Variants in TANK observed in about 807,000 individuals in gnomAD.
TANK encodes TRAF family member associated NFKB activator.
Under a neutral mutation model 43.6 loss-of-function variants are expected in TANK, and 15 were observed. The observed-to-expected ratio is 0.34, with a 90% confidence interval of 0.23 to 0.53. The LOEUF is 0.53. Among genes scored for constraint, TANK ranks in the 20% least tolerant of loss-of-function variants. TANK has a pLI of 0.94. For synonymous variants in TANK, 162 were observed against 178.2 expected, an observed-to-expected ratio of 0.91 and a Z score of 0.73; for missense variants, 417 against 498.6, an observed-to-expected ratio of 0.84 and a Z score of 1.56.
intron 6 of TANK, among the ~76,000 whole-genome samples, chr2:161,226,113 C>T (rs997625128): frequency 3.3e-5 from 5 of 152,064 alleles, no homozygotes; most frequent in African/African-American, 1.2e-4. Context: ...TTTTGAACAT[C>T]AACATCTTTT....
At chr2:161,158,322 A>G (rs138595567), upstream of TANK, among the ~76,000 whole-genome samples, 337 of 152,360 alleles carry the variant, frequency 2.2e-3, 2 homozygotes, top group Non-Finnish European at 4.0e-3. Flanking sequence ...AATAAATGTC[A>G]ACTCAATTTC....
chr2:161,213,517 C>T (rs567979281), intron 4 of TANK, among the ~76,000 whole-genome samples: 6 of 151,152 alleles, frequency 4.0e-5, no homozygotes, highest in African/African-American at 1.2e-4. Context: ...GCAGGAGAAT[C>T]GCTTGAACCT....
chr2:161,210,173 A>G (rs938725145), intron 4 of TANK, among the ~76,000 whole-genome samples: 6 of 152,194 alleles, frequency 3.9e-5, no homozygotes, highest in African/African-American at 7.2e-5. Flanking sequence ...AATAGTATAA[A>G]CAGTGATATA....
intron 2 of TANK, among the ~76,000 whole-genome samples, chr2:161,185,456 G>A (rs2105308178): frequency 6.6e-6 from 1 of 151,872 alleles, no homozygotes; most frequent in East Asian, 1.9e-4. Flanking sequence ...GATAAATAGA[G>A]TGATAACTAG....
rs1686353216 is a variant in TANK, at chr2:161,200,455, T to C, written c.100-3032T>C. 6.2e-6 allele frequency: 6 copies of C among 965,930 alleles called. No individual in the cohort carries two copies. In the South Asian group the frequency reaches 2.4e-4, roughly 39 times the overall value. 59.8% of individuals were successfully genotyped at this position (965,930 alleles called of 1,614,324 possible). The stretch of plus-strand genomic sequence containing the variant: ...TTTCATTTACTTTCCAAATAGCAAA[T>C]AAACCAAGTTCTACTGGTTATTTCC... On this transcript the variant is annotated intron_variant, in intron 2 of 7. Transcript: ENST00000392749.
At chr2:161,153,916 C>T (rs569284447) in intron 1 of TANK, among the ~76,000 whole-genome samples, 2 of 152,106 alleles carry the variant, frequency 1.3e-5, no homozygotes, top group African/African-American at 4.8e-5. Context: ...ATGAACGAGG[C>T]AACTTTAACA....
At chr2:161,160,369 G>T (rs1684355453), upstream of TANK, 2 of 1,179,956 alleles carry the variant, frequency 1.7e-6, no homozygotes, top group Non-Finnish European at 1.1e-6. Flanking sequence ...AGAGTTAATG[G>T]CTCCGCGCGC....
At chr2:161,230,912 AC>A (rs1687878489) in intron 6 of TANK, 58 bp from the exon 7 acceptor site, 4 of 1,321,150 alleles carry the variant, frequency 3.0e-6, no homozygotes, top group Admixed American at 1.8e-5. Context: ...AGCTGATTGA[AC>A]AGATTTTTTT....
intron 4 of TANK, among the ~76,000 whole-genome samples, chr2:161,205,190 AT>A (rs1324379249): frequency 6.6e-6 from 1 of 152,086 alleles, no homozygotes; most frequent in Non-Finnish European, 1.5e-5. Flanking sequence ...GCCACGCAGA[AT>A]GGCACACGCC....
At chr2:161,161,085 A>C in intron 1 of TANK, 1 of 893,482 alleles carries the variant, frequency 1.1e-6, no homozygotes, top group Non-Finnish European at 1.6e-6. Context: ...CCCCGCCCAC[A>C]GTGGGAACCC....
intron 1 of TANK, among the ~76,000 whole-genome samples, chr2:161,177,259 A>G (rs990464910): frequency 2.0e-5 from 3 of 152,170 alleles, no homozygotes; most frequent in African/African-American, 7.2e-5. Context: ...GAAAGTAATG[A>G]CATTGTTATC....
chr2:161,173,057 G>C (rs1266933750), intron 1 of TANK, among the ~76,000 whole-genome samples: 1 of 152,066 alleles, frequency 6.6e-6, no homozygotes, highest in Admixed American at 6.5e-5. Flanking sequence ...AAATTTCTTA[G>C]AGTGACATTC....
intron 2 of TANK, among the ~76,000 whole-genome samples, chr2:161,193,824 A>G (rs1291643360): frequency 6.6e-6 from 1 of 152,238 alleles, no homozygotes; most frequent in Non-Finnish European, 1.5e-5. Flanking sequence ...GATCACATCT[A>G]GTAGTGAAGA....
chr2:161,231,885 G>A (rs1289257832), intron 7 of TANK, among the ~76,000 whole-genome samples: 3 of 152,124 alleles, frequency 2.0e-5, no homozygotes, highest in Non-Finnish European at 4.4e-5. Context: ...TTCATAGTGT[G>A]AAACAAATGC....
chr2:161,174,568 G>T (rs1488304588), intron 1 of TANK, among the ~76,000 whole-genome samples: 1 of 152,100 alleles, frequency 6.6e-6, no homozygotes, highest in Non-Finnish European at 1.5e-5. Context: ...CATATTTGCT[G>T]AGCAAAAGTT....
chr2:161,212,003 A>G (rs1454991736), intron 4 of TANK: 2 of 920,050 alleles, frequency 2.2e-6, no homozygotes, highest in Non-Finnish European at 2.6e-6. Flanking sequence ...GAAAATAACT[A>G]TCTTCAACCA....
chr2:161,140,876 G>A (rs554689650), intron 1 of TANK, among the ~76,000 whole-genome samples: 4 of 151,740 alleles, frequency 2.6e-5, no homozygotes, highest in South Asian at 4.2e-4. Context: ...AAAATTCAGC[G>A]AACACTGCAG....
chr2:161,150,347 G>C (rs547786925), intron 1 of TANK, among the ~76,000 whole-genome samples: 68 of 151,880 alleles, frequency 4.5e-4, no homozygotes, highest in African/African-American at 1.6e-3. Flanking sequence ...TTTGATTTTA[G>C]TTATTTATTT....
intron 2 of TANK, among the ~76,000 whole-genome samples, chr2:161,196,093 C>T (rs1686135250): frequency 6.6e-6 from 1 of 152,096 alleles, no homozygotes; most frequent in Non-Finnish European, 1.5e-5. Context: ...AAGACTCCAT[C>T]TCAAAAAGAT....
Sources: gnomAD v4.1 joint callset for allele counts (sites outside exome capture counted in the v4.1 genomes callset) on GRCh38, gnomAD v4.1.1 for gene constraint, MANE v1.5 for transcripts, NCBI Gene and HGNC (gene_info 2026-07-23, HGNC 2026-07-21) for gene names.